Variants in MTG2 observed in about 807,000 individuals in gnomAD.
MTG2 encodes mitochondrial ribosome-associated GTPase 2.
MTG2 carries 23 observed loss-of-function variants against 28.6 expected under a neutral mutation model. The ratio of observed to expected loss-of-function variants is 0.80; its 90% CI spans 0.58 to 1.14. The LOEUF is 1.14. MTG2 is among the 50% of genes most tolerant of loss of function. The pLI is 0.00. For synonymous variants in MTG2, 260 were observed against 251.8 expected (o/e 1.03, Z -0.31); for missense variants, 539 against 552.0 (o/e 0.98, Z 0.24).
At position 62,200,669 on chromosome 20, in the gene MTG2, T is replaced by C. The variant is rs776885390; in HGVS notation, c.827-14T>C. 130 of 1,587,906 alleles carry C rather than the reference T, an allele frequency of 8.2e-5. No homozygotes were observed. Among genetic ancestry groups the C allele is most frequent in the Non-Finnish European group, 1.1e-4 (126 of 1,167,502 alleles). On this transcript the variant is annotated splice_polypyrimidine_tract_variant and intron_variant, in intron 6 of 6. Transcript: ENST00000370823. Reference sequence around the variant, plus strand: ...GCCAAGTGGTCACCTCGTGTGCCCCTGTCTTCCCTGCAGTGGCCGACATCC... The same window carrying C: ...GCCAAGTGGTCACCTCGTGTGCCCCCGTCTTCCCTGCAGTGGCCGACATCC...
chr20:62,197,760 T>C (rs1568789573), intron 3 of MTG2, 92 bp from the exon 4 acceptor site: 1 of 1,055,656 alleles, frequency 9.5e-7, no homozygotes, highest in East Asian at 2.4e-5. Context: ...TCCATACCTA[T>C]TTTTAAGGTT....
intron 4 of MTG2, chr20:62,198,338 TC>T: frequency 1.8e-6 from 1 of 542,466 alleles, no homozygotes; most frequent in Non-Finnish European, 3.3e-6. Flanking sequence ...CTGAATTCAC[TC>T]GTCTCTTAGA....
At chr20:62,190,836 A>G (rs969717074) in intron 1 of MTG2, among the ~76,000 whole-genome samples, 1 of 152,200 alleles carries the variant, frequency 6.6e-6, no homozygotes, top group Non-Finnish European at 1.5e-5. Context: ...ATCTAAAACC[A>G]TCTCAAAATC....
rs147100886 is a variant in MTG2 at position 62,192,713 on chromosome 20, T to C, written c.-5-703T>C. Reference sequence around the variant, plus strand: ...CCTGTCACCTGGGAAGTCCAAGGGATTTAGGAGCTCTGTGTCAGGCACCCC... The same window carrying C: ...CCTGTCACCTGGGAAGTCCAAGGGACTTAGGAGCTCTGTGTCAGGCACCCC... On this transcript the variant is annotated intron_variant, in intron 1 of 6. Coordinates refer to ENST00000370823, the MANE Select transcript of MTG2 (RefSeq NM_015666.4). Among the ~76,000 whole-genome samples the C allele has an allele frequency of 1.3e-3, 204 of 152,124 alleles. 1 individual carries two copies. Among genetic ancestry groups the C allele is most frequent in the African/African-American group, 4.6e-3 (192 of 41,512 alleles).
At chr20:62,185,425 TAAAAAATA>T (rs1022676656) in intron 1 of MTG2, among the ~76,000 whole-genome samples, 48 of 109,548 alleles carry the variant, frequency 4.4e-4, no homozygotes, top group African/African-American at 2.0e-3. Context: ...AAAATAAAAA[TAAAAAATA>T]AAAAATAAAA....
Position 62,194,485 on chromosome 20 carries a change from G to A in MTG2, c.204+861G>A, listed in dbSNP as rs552010475. ...TCTGGTGGATTTTGCTTGCGTTGGC[G>A]CATGACAGCATTACACATTGAAATT... On this transcript the variant is annotated intron_variant, in intron 2 of 6. Transcript: ENST00000370823. Among the ~76,000 whole-genome samples the A allele has an allele frequency of 3.9e-5, 6 of 152,334 alleles. No homozygotes were observed. The South Asian group carries it at 6.2e-4, about 16-fold the overall frequency.
Position 62,195,928 on chromosome 20 carries a change from G to A in MTG2, c.331G>A (p.Gly111Ser), listed in dbSNP as rs767695167. ...GGPDGGDGGN[G>S]GHVILRVDQQ... is the part of the protein sequence containing the mutation. ...CCCTGATGGAGGGGACGGAGGCAAC[G>A]GTGGACACGTCATTCTGAGAGGCAG... is the stretch of plus-strand genomic sequence containing the variant. Residue 111 changes from glycine (G) to serine (S), a missense_variant, in exon 3 of 7, where the codon GGT becomes AGT. Transcript: ENST00000370823. 13 of 1,614,120 alleles carry A rather than the reference G, an allele frequency of 8.1e-6. No individual in the cohort carries two copies. The highest frequency in any genetic ancestry group is 1.1e-5 in the Non-Finnish European group (13 of 1,180,010).
chr20:62,198,035 C>T (rs972102668), intron 4 of MTG2, 68 bp downstream of exon 4: 54 of 1,434,280 alleles, frequency 3.8e-5, no homozygotes, highest in Admixed American at 1.0e-4. Flanking sequence ...TGGGGGCCAC[C>T]GTGTGACCCA....
rs1170821548 is a variant in MTG2, at chr20:62,198,955, G to C, written c.687+103G>C. The C allele has an allele frequency of 1.9e-6, 3 of 1,551,796 alleles. No individual in the cohort carries two copies. The African/African-American group carries it at 4.1e-5, about 21-fold the overall frequency. On this transcript the variant is annotated intron_variant, in intron 5 of 6. Transcript: ENST00000370823. The stretch of plus-strand genomic sequence containing the variant: ...GTGGCCTGGAAGAGAACAGCTTTGC[G>C]ACTCACCTTTTTCCCATCAGTACAC...
At chr20:62,193,684 G>A (rs2058005234) in intron 2 of MTG2, 60 bp downstream of exon 2, 2 of 1,480,492 alleles carry the variant, frequency 1.4e-6, no homozygotes, top group Non-Finnish European at 1.8e-6. Context: ...ACAGGGTGTG[G>A]TTTCGGGTCC....
intron 1 of MTG2, among the ~76,000 whole-genome samples, chr20:62,186,082 G>A (rs947147647): frequency 1.3e-5 from 2 of 152,158 alleles, no homozygotes; most frequent in African/African-American, 4.8e-5. Flanking sequence ...GCTGGATGGT[G>A]TAACGTTCCA....
intron 4 of MTG2, 66 bp downstream of exon 4, chr20:62,198,033 A>G: frequency 1.4e-6 from 2 of 1,449,664 alleles, no homozygotes; most frequent in South Asian, 2.3e-5. Flanking sequence ...CCTGGGGGCC[A>G]CCGTGTGACC....
intron 2 of MTG2, chr20:62,193,866 G>C: frequency 1.9e-6 from 1 of 520,638 alleles, no homozygotes; most frequent in South Asian, 2.4e-5. Context: ...GATACAGGCT[G>C]CTCATTTTCC....
At chr20:62,186,445 A>G (rs1467409814) in intron 1 of MTG2, among the ~76,000 whole-genome samples, 2 of 151,080 alleles carry the variant, frequency 1.3e-5, no homozygotes, top group Non-Finnish European at 2.9e-5. Flanking sequence ...TGCGGCTGGT[A>G]TTTAAGAATA....
At chr20:62,193,375 A>G in intron 1 of MTG2, 41 bp from the exon 2 acceptor site, 3 of 1,596,232 alleles carry the variant, frequency 1.9e-6, no homozygotes, top group Middle Eastern at 1.7e-4. Context: ...CATGCCCAGC[A>G]TTAAACCAAG....
At chr20:62,185,370 C>T (rs1468739122) in intron 1 of MTG2, among the ~76,000 whole-genome samples, 1 of 152,016 alleles carries the variant, frequency 6.6e-6, no homozygotes, top group African/African-American at 2.4e-5. Flanking sequence ...TGAGATCATG[C>T]CACTGCACTC....
At chr20:62,199,036 C>A in intron 5 of MTG2, 83 bp from the exon 6 acceptor site, 1 of 1,590,458 alleles carries the variant, frequency 6.3e-7, no homozygotes, top group Non-Finnish European at 8.6e-7. Context: ...TGAAATCCTC[C>A]CTCCAATCCC....
intron 2 of MTG2, among the ~76,000 whole-genome samples, chr20:62,194,356 C>T (rs767303277): frequency 2.0e-5 from 3 of 152,182 alleles, no homozygotes; most frequent in African/African-American, 7.2e-5. Context: ...GATGTGTGCT[C>T]AAATAGCTGA....
chr20:62,191,921 A>T (rs1030235624), intron 1 of MTG2, among the ~76,000 whole-genome samples: 1 of 152,238 alleles, frequency 6.6e-6, no homozygotes, highest in Non-Finnish European at 1.5e-5. Flanking sequence ...AATGAGTGAC[A>T]GCTTAAATGA....
Sources: gnomAD v4.1 joint callset for allele counts (sites outside exome capture counted in the v4.1 genomes callset) on GRCh38, gnomAD v4.1.1 for gene constraint, MANE v1.5 for transcripts, NCBI Gene and HGNC (gene_info 2026-07-23, HGNC 2026-07-21) for gene names.